Variants in FAM53B observed in about 807,000 individuals in gnomAD.
FAM53B encodes family with sequence similarity 53 member B, also known as protein FAM53B.
In FAM53B, 12 loss-of-function variants were observed where a neutral mutation model predicts 32.7. That is an observed-to-expected ratio of 0.37 (90% CI 0.24 to 0.59). The LOEUF (loss-of-function observed/expected upper bound fraction) is 0.59. Ranked by LOEUF, FAM53B falls within the 20% of genes least tolerant of loss-of-function variation. FAM53B has a pLI of 0.72. For synonymous variants in FAM53B, 234 were observed against 228.7 expected (o/e 1.02, Z -0.21); for missense variants, 477 against 577.7 (o/e 0.83, Z 1.79).
chr10:124,735,025 A>C (rs1020249226), intron 1 of FAM53B, among the ~76,000 whole-genome samples: 6 of 152,222 alleles, frequency 3.9e-5, no homozygotes, highest in African/African-American at 9.6e-5. Flanking sequence ...AAGCAGCCGG[A>C]ATCACACCGC....
chr10:124,709,842 A>G (rs1353549311), intron 1 of FAM53B, among the ~76,000 whole-genome samples: 24 of 143,274 alleles, frequency 1.7e-4, no homozygotes, highest in Non-Finnish European at 3.1e-4. Flanking sequence ...CCTCAAAAAA[A>G]GAAAAAAAAA....
intron 4 of FAM53B, among the ~76,000 whole-genome samples, chr10:124,660,054 G>A (rs867697829): frequency 4.6e-5 from 7 of 152,216 alleles, no homozygotes; most frequent in South Asian, 2.1e-4. Flanking sequence ...TGACCCACCC[G>A]CCTTGGCCTT....
chr10:124,734,910 T>A (rs950191714), intron 1 of FAM53B, among the ~76,000 whole-genome samples: 3 of 152,148 alleles, frequency 2.0e-5, no homozygotes, highest in Non-Finnish European at 2.9e-5. Context: ...CCTGGACCCT[T>A]CCCTCTGTCC....
chr10:124,638,138 G>A (rs1450792914), intron 4 of FAM53B, among the ~76,000 whole-genome samples: 2 of 152,190 alleles, frequency 1.3e-5, no homozygotes, highest in South Asian at 2.1e-4. Context: ...GGGAAGCTGA[G>A]GCAGGCGGAT....
intron 4 of FAM53B, among the ~76,000 whole-genome samples, chr10:124,626,599 G>A (rs1011454136): frequency 6.6e-6 from 1 of 152,146 alleles, no homozygotes; most frequent in Non-Finnish European, 1.5e-5. Context: ...CCTGGATCTT[G>A]GACTTCCCAG....
intron 1 of FAM53B, among the ~76,000 whole-genome samples, chr10:124,741,566 G>C (rs911626523): frequency 6.6e-6 from 1 of 152,194 alleles, no homozygotes; most frequent in Non-Finnish European, 1.5e-5. Context: ...TCAATCAAGG[G>C]TCAGGCGCCT....
chr10:124,655,494 G>A (rs556321514), intron 4 of FAM53B, among the ~76,000 whole-genome samples: 82 of 152,030 alleles, frequency 5.4e-4, no homozygotes, highest in Non-Finnish European at 8.5e-4. Flanking sequence ...GGAAACACGG[G>A]ATGCCGAGGA....
chr10:124,736,587 G>A (rs1156367793), intron 1 of FAM53B, among the ~76,000 whole-genome samples: 4 of 152,292 alleles, frequency 2.6e-5, no homozygotes, highest in Non-Finnish European at 4.4e-5. Flanking sequence ...GCCAGAGCAA[G>A]GGGAATTCCA....
chr10:124,681,683 T>G lies in FAM53B; in HGVS notation c.830A>C (p.Lys277Thr). Reference sequence around the variant, plus strand: ...AGGGCGCCGCCTTTTAACACCGACCTTCTTGTCGTTAAGGACACACGGCTG... The same window carrying G: ...AGGGCGCCGCCTTTTAACACCGACCGTCTTGTCGTTAAGGACACACGGCTG... Reference protein sequence around the residue: ...RSQPCVLNDKKVGVKRRRPEE... With the variant: ...RSQPCVLNDKTVGVKRRRPEE... The change falls in exon 4 of 5, where the codon AAG (lysine) becomes ACG (threonine). Residue 277 changes from lysine (K) to threonine (T), a missense_variant. Around this residue, in one of 2 missense-constraint regions of FAM53B, gnomAD observed 312 missense variants for 420.2 expected, o/e 0.74. Transcript: ENST00000337318. 1 of 1,612,606 alleles carries G rather than the reference T, an allele frequency of 6.2e-7. No homozygotes were observed. Among genetic ancestry groups the G allele is most frequent in the Non-Finnish European group, 8.5e-7 (1 of 1,179,374 alleles).
intron 4 of FAM53B, among the ~76,000 whole-genome samples, chr10:124,636,306 C>G (rs963325478): frequency 6.6e-6 from 1 of 151,798 alleles, no homozygotes; most frequent in Non-Finnish European, 1.5e-5. Context: ...TTTTTAACGG[C>G]ACTTTGCAAA....
chr10:124,657,118 GTA>G lies in FAM53B; in HGVS notation c.906+24487_906+24488del, dbSNP rs113363316. Among the ~76,000 whole-genome samples the G allele has an allele frequency of 8.1e-4, 105 of 128,932 alleles. No homozygotes were observed. In the East Asian group the frequency reaches 0.013, roughly 16 times the overall value. The allele number at this position is 128,932 out of a possible 152,430, so 84.6% of individuals were successfully genotyped here. ...TATATGTGTATATATATGTGTGTGT[GTA>G]TATATATGTGTGTATATACATATAT... On this transcript the variant is annotated intron_variant, in intron 4 of 4. Coordinates refer to ENST00000337318, the MANE Select transcript of FAM53B (RefSeq NM_014661.4).
intron 4 of FAM53B, among the ~76,000 whole-genome samples, chr10:124,663,214 G>A (rs1949645621): frequency 6.6e-6 from 1 of 152,224 alleles, no homozygotes. Flanking sequence ...GTGCAAGCCT[G>A]TGCATGACCA....
At chr10:124,661,036 AC>A (rs1264854326) in intron 4 of FAM53B, among the ~76,000 whole-genome samples, 1 of 146,176 alleles carries the variant, frequency 6.8e-6, no homozygotes, top group Non-Finnish European at 1.5e-5. Flanking sequence ...GGCCACCTGT[AC>A]CCCAAAAGCT....
chr10:124,633,038 G>T (rs996586280), intron 4 of FAM53B, among the ~76,000 whole-genome samples: 1 of 152,106 alleles, frequency 6.6e-6, no homozygotes, highest in Non-Finnish European at 1.5e-5. Context: ...CACCAAGGGT[G>T]CGATCCCCCC....
intron 4 of FAM53B, among the ~76,000 whole-genome samples, chr10:124,679,407 C>A (rs1260256683): frequency 6.6e-6 from 1 of 152,232 alleles, no homozygotes; most frequent in East Asian, 1.9e-4. Context: ...GCCGTGCACT[C>A]GCCAGGGCTC....
intron 4 of FAM53B, among the ~76,000 whole-genome samples, chr10:124,638,269 C>T (rs956808785): frequency 1.3e-5 from 2 of 152,144 alleles, no homozygotes; most frequent in African/African-American, 4.8e-5. Flanking sequence ...ACTCGGGAGG[C>T]TGAGGCAGGA....
chr10:124,659,080 G>A (rs1033736384), intron 4 of FAM53B, among the ~76,000 whole-genome samples: 8 of 152,230 alleles, frequency 5.3e-5, no homozygotes, highest in Non-Finnish European at 1.2e-4. Context: ...GGGATGGGCA[G>A]GTTTGGTGGC....
chr10:124,654,838 C>G (rs999990612), intron 4 of FAM53B, among the ~76,000 whole-genome samples: 1 of 152,198 alleles, frequency 6.6e-6, no homozygotes, highest in Non-Finnish European at 1.5e-5. Flanking sequence ...GAGGCCCCGG[C>G]GTGCCTCTGC....
rs760302623 is a variant in FAM53B, at chr10:124,682,222, G to A, written c.291C>T (p.Ser97=). Residue 97 remains serine (S), a synonymous_variant, in exon 4 of 5, where the codon AGC becomes AGT. Transcript: ENST00000337318. The surrounding 1 kb of genome is among the most constrained non-coding windows in gnomAD (Gnocchi z 5.2). ...CAVTSLIKDL[S]ISDHNGNPSA... ...AGGGGTTCCCGTTGTGGTCGCTGAT[G>A]CTGAGGTCTTTGATCAGACTGGTCA... 2 of 1,614,054 alleles carry A rather than the reference G, an allele frequency of 1.2e-6. No individual in the cohort carries two copies. The highest frequency in any genetic ancestry group is 8.5e-7 in the Non-Finnish European group (1 of 1,179,998).
Sources: gnomAD v4.1 joint callset for allele counts (sites outside exome capture counted in the v4.1 genomes callset) on GRCh38, gnomAD v4.1.1 for gene constraint, gnomAD v4.1.1 regional missense constraint, Gnocchi (gnomAD v3.1) non-coding constraint, MANE v1.5 for transcripts, NCBI Gene and HGNC (gene_info 2026-07-23, HGNC 2026-07-21) for gene names.